The following MYO1A variants were observed in gnomAD, a reference collection of about 807,000 sequenced individuals.
MYO1A encodes myosin IA.
MYO1A carries 127 observed loss-of-function variants against 138.5 expected under a neutral mutation model. The observed-to-expected ratio is 0.92, with a 90% CI of 0.79 to 1.06. The LOEUF (loss-of-function observed/expected upper bound fraction) is 1.06. MYO1A is among the 50% of genes least tolerant of loss of function. The probability of loss-of-function intolerance (pLI) is 0.00; values close to 1 mark genes in which losing one functional copy is unlikely to be tolerated. For missense variants in MYO1A, 1,211 were observed against 1,288.8 expected (o/e 0.94, Z 0.92); for synonymous variants, 477 against 497.5 (o/e 0.96, Z 0.55).
At position 57,043,978 on chromosome 12, in the gene MYO1A, G is replaced by A. The variant is rs556157701; in HGVS notation, c.770C>T (p.Ser257Leu). The A allele has an allele frequency of 1.4e-4, 231 of 1,614,056 alleles. 4 individuals carry two copies. In the South Asian group the frequency reaches 2.3e-3, roughly 16 times the overall value. Residue 257 changes from serine to leucine, a missense_variant, in exon 10 of 28, where the codon TCG (serine) becomes TTG (leucine). Physicochemically the swap from Ser to Leu is moderately radical, Grantham distance 145 (BLOSUM62 -2). Transcript: ENST00000300119. ...TAGCACTTGTCGAATCTCCTCCTCC[G>A]AGAACCCAATCACTGCCATTGCACT... ...VQSAMAVIGF[S>L]EEEIRQVLEV...
chr12:57,046,869 T>C lies in MYO1A; in HGVS notation c.535A>G (p.Thr179Ala). The change falls in exon 7 of 28, where the codon ACA (threonine) becomes GCA (alanine). Residue 179 changes from threonine (T) to alanine (A), a missense_variant. By Grantham distance (58) the Thr-to-Ala change is moderately conservative (BLOSUM62 0). Transcript: ENST00000300119. The stretch of plus-strand genomic sequence containing the variant: ...GAATTGGGGAGACACGTACAGTTTG[T>C]GATGACACCACCGAGGGGGGATCCC... ...FKGSPLGGVI[T>A]NYLLEKSRLV... 6.2e-7 allele frequency: 1 copy of C among 1,614,148 alleles called. No individual in the cohort carries two copies. The highest frequency in any genetic ancestry group is 8.5e-7 in the Non-Finnish European group (1 of 1,180,012).
chr12:57,045,339 C>T (rs2031048293), intron 8 of MYO1A, among the ~76,000 whole-genome samples: 1 of 151,884 alleles, frequency 6.6e-6, no homozygotes, highest in Non-Finnish European at 1.5e-5. Context: ...AGGGAGTATC[C>T]CTCAAACTAT....
intron 22 of MYO1A, among the ~76,000 whole-genome samples, chr12:57,032,301 A>G (rs2030324714): frequency 6.6e-6 from 1 of 152,178 alleles, no homozygotes; most frequent in Non-Finnish European, 1.5e-5. Flanking sequence ...TTGAGTGTCT[A>G]CTTAGTGCCT....
At chr12:57,039,630 C>T (rs141190271) in intron 14 of MYO1A, among the ~76,000 whole-genome samples, 238 of 152,278 alleles carry the variant, frequency 1.6e-3, no homozygotes, top group Non-Finnish European at 2.4e-3. Flanking sequence ...TGTGCAACAG[C>T]GGCCACACTA....
chr12:57,037,978 C>T lies in MYO1A; in HGVS notation c.1852G>A (p.Val618Ile), dbSNP rs1015322457. The change falls in exon 18 of 28, where the codon GTA becomes ATA. Residue 618 changes from valine to isoleucine, a missense_variant. Coordinates refer to ENST00000300119, the MANE Select transcript of MYO1A (RefSeq NM_005379.4). ...QARYLGLLEN[V>I]RVRRAGYAHR... Reference sequence around the variant, plus strand: ...GCATAGCCTGCCCGTCGCACCCGTACGTTCTCCAGCAGTCCCAGGTACCGA... The same window carrying T: ...GCATAGCCTGCCCGTCGCACCCGTATGTTCTCCAGCAGTCCCAGGTACCGA... 17 of 1,614,064 alleles carry T rather than the reference C, an allele frequency of 1.1e-5. No homozygotes were observed. The highest frequency in any genetic ancestry group is 2.2e-5 in the East Asian group (1 of 44,894).
rs1286349313 is a variant in MYO1A, at chr12:57,038,000, C to T, written c.1830G>A (p.Arg610=). The T allele has an allele frequency of 4.3e-6, 7 of 1,614,094 alleles. No individual in the cohort carries two copies. Among genetic ancestry groups the T allele is most frequent in the Non-Finnish European group, 5.9e-6 (7 of 1,180,056 alleles). ...FSSDLVATQA[R]YLGLLENVRV... ...GTACGTTCTCCAGCAGTCCCAGGTA[C>T]CGAGCCTGGGTTGCCACCAGGTCTG... Residue 610 remains arginine (R), a synonymous_variant, in exon 18 of 28, where the codon CGG becomes CGA. Transcript: ENST00000300119.
Position 57,028,602 on chromosome 12 carries a change from G to C in MYO1A, c.*153C>G. On this transcript the variant is annotated 3_prime_UTR_variant, in exon 28 of 28. Transcript: ENST00000300119. ...TACTTTTGGAGGAGAGAACAAGAAG[G>C]GTTTGGGACAAGGGTCCTCTTCAAG... is the stretch of plus-strand genomic sequence containing the variant. 9.9e-7 allele frequency: 1 copy of C among 1,009,358 alleles called. No homozygotes were observed. Among genetic ancestry groups the C allele is most frequent in the Non-Finnish European group, 1.5e-6 (1 of 688,048 alleles). The allele number at this position is 1,009,358 out of a possible 1,614,324, so 62.5% of individuals were successfully genotyped here.
chr12:57,029,415 G>T lies in MYO1A; in HGVS notation c.2877+20C>A. 6.2e-7 allele frequency: 1 copy of T among 1,614,032 alleles called. No homozygotes were observed. The highest frequency in any genetic ancestry group is 8.5e-7 in the Non-Finnish European group (1 of 1,179,976). On this transcript the variant is annotated intron_variant, in intron 26 of 27. Coordinates refer to ENST00000300119, the MANE Select transcript of MYO1A (RefSeq NM_005379.4). ...TACCACCTTCTCCAGTCCAAGGCTTGCCCCACCCAGCTCTGATACCTCACT... is the reference window on the plus strand; with the variant it reads ...TACCACCTTCTCCAGTCCAAGGCTTTCCCCACCCAGCTCTGATACCTCACT...
At position 57,037,934 on chromosome 12, in the gene MYO1A, C is replaced by T. The variant is rs748022218; in HGVS notation, c.1896G>A (p.Gly632=). ...GCAATCGGTACCTTTCCAGGAAGGGCCCATAACCCTGGCGGTGGGCATAGC... is the reference window on the plus strand; with the variant it reads ...GCAATCGGTACCTTTCCAGGAAGGGTCCATAACCCTGGCGGTGGGCATAGC... ...RAGYAHRQGY[G]PFLERYRLLS... Residue 632 remains glycine (G), a synonymous_variant, in exon 18 of 28, where the codon GGG becomes GGA. Coordinates refer to ENST00000300119, the MANE Select transcript of MYO1A (RefSeq NM_005379.4). The T allele has an allele frequency of 6.2e-7, 1 of 1,614,162 alleles. No homozygotes were observed. Among genetic ancestry groups the T allele is most frequent in the South Asian group, 1.1e-5 (1 of 91,084 alleles).
Position 57,043,991 on chromosome 12 carries a change from C to T in MYO1A, c.757G>A (p.Val253Met), listed in dbSNP as rs1335980279. 1.2e-6 allele frequency: 2 copies of T among 1,614,080 alleles called. No homozygotes were observed. The highest frequency in any genetic ancestry group is 3.3e-5 in the Admixed American group (2 of 60,006). The change falls in exon 10 of 28, where the codon GTG becomes ATG. Residue 253 changes from valine to methionine, a missense_variant. By Grantham distance (21) the Val-to-Met change is conservative (BLOSUM62 1). Coordinates refer to ENST00000300119, the MANE Select transcript of MYO1A (RefSeq NM_005379.4). ...SFRAVQSAMA[V>M]IGFSEEEIRQ... The stretch of plus-strand genomic sequence containing the variant: ...ATCTCCTCCTCCGAGAACCCAATCA[C>T]TGCCATTGCACTCTTAGGCAGAAAG...
chr12:57,049,399 G>C (rs1054590620), intron 1 of MYO1A, among the ~76,000 whole-genome samples: 1 of 152,226 alleles, frequency 6.6e-6, no homozygotes, highest in Non-Finnish European at 1.5e-5. Flanking sequence ...AACCCGGGTG[G>C]AGGAGCGGAG....
chr12:57,041,573 G>T, intron 12 of MYO1A, 76 bp from the exon 13 acceptor site: 3 of 1,273,930 alleles, frequency 2.4e-6, no homozygotes, highest in South Asian at 1.2e-5. Context: ...GAGCGGATGG[G>T]GTTGGAGTAG....
At chr12:57,042,356 A>C (rs1006004567) in intron 12 of MYO1A, among the ~76,000 whole-genome samples, 1 of 152,228 alleles carries the variant, frequency 6.6e-6, no homozygotes, top group African/African-American at 2.4e-5. Context: ...TTTTGTACAG[A>C]TATACCACAT....
Position 57,049,926 on chromosome 12 carries a change from G to A in MYO1A, c.-60C>T, listed in dbSNP as rs927199440. ...AGGGTATAACTTCACTGTCCTTGGAGAATGGTGGATGAAATCTCAATTTGA... is the reference window on the plus strand; with the variant it reads ...AGGGTATAACTTCACTGTCCTTGGAAAATGGTGGATGAAATCTCAATTTGA... On this transcript the variant is annotated 5_prime_UTR_variant, in exon 1 of 28. Coordinates refer to ENST00000300119, the MANE Select transcript of MYO1A (RefSeq NM_005379.4). The A allele has an allele frequency of 2.6e-5, 4 of 152,372 alleles. No individual in the cohort carries two copies. The highest frequency in any genetic ancestry group is 6.5e-5 in the Admixed American group (1 of 15,284). 9.4% of individuals were successfully genotyped at this position (152,372 alleles called of 1,614,324 possible).
At chr12:57,037,421 G>C (rs11172085) in intron 19 of MYO1A, 127 bp downstream of exon 19, 3 of 927,400 alleles carry the variant, frequency 3.2e-6, no homozygotes, top group Non-Finnish European at 5.3e-6. Flanking sequence ...CCTGCAGACA[G>C]GAAGCTTCCC....
rs2030121114 is a variant in MYO1A, at chr12:57,028,967, G to C, written c.3006-86C>G. The C allele has an allele frequency of 1.9e-6, 3 of 1,596,168 alleles. No homozygotes were observed. The East Asian group carries it at 6.7e-5, about 36-fold the overall frequency. On this transcript the variant is annotated intron_variant, in intron 27 of 27. Coordinates refer to ENST00000300119, the MANE Select transcript of MYO1A (RefSeq NM_005379.4). ...CCATGATGGCCCCCCCATCATGCGA[G>C]TCAGAGGACTTGAGGCCCCAGAGAA...
chr12:57,030,863 C>T (rs899709197), intron 23 of MYO1A, among the ~76,000 whole-genome samples, 177 bp downstream of exon 23: 1 of 152,142 alleles, frequency 6.6e-6, no homozygotes, highest in East Asian at 1.9e-4. Flanking sequence ...ACATGAATGT[C>T]GCTCATGCCA....
rs769911842 is a variant in MYO1A at position 57,029,773 on chromosome 12, C to T, written c.2691G>A (p.Glu897=). ...GGEEGPVLMA[E]AVKKVNRGNG... ...TGCCACGATTGACCTTCTTCACGGC[C>T]TCTGCCATCAGAACAGGCCCCTCCT... Residue 897 remains glutamate (E), a synonymous_variant, in exon 25 of 28, where the codon GAG becomes GAA. Coordinates refer to ENST00000300119, the MANE Select transcript of MYO1A (RefSeq NM_005379.4). The T allele has an allele frequency of 6.2e-7, 1 of 1,614,242 alleles. No homozygotes were observed. The highest frequency in any genetic ancestry group is 8.5e-7 in the Non-Finnish European group (1 of 1,180,042).
intron 22 of MYO1A, among the ~76,000 whole-genome samples, chr12:57,031,574 C>T (rs1316358455): frequency 1.3e-5 from 2 of 152,174 alleles, no homozygotes; most frequent in South Asian, 4.1e-4. Context: ...AATTTCCCCT[C>T]CTCTCAAATC....
Sources: allele counts gnomAD v4.1 joint callset (sites outside exome capture counted in the v4.1 genomes callset), GRCh38; gene constraint gnomAD v4.1.1; transcripts MANE v1.5; gene names NCBI Gene and HGNC (gene_info 2026-07-23, HGNC 2026-07-21).